Variants in NRXN3 observed in about 807,000 individuals in gnomAD.
The protein encoded by NRXN3 is neurexin III.
Under a neutral mutation model 137.6 loss-of-function variants are expected in NRXN3, and 32 were observed. The observed-to-expected ratio is 0.23, with a 90% CI of 0.18 to 0.31. NRXN3 has a LOEUF of 0.31. Ranked by LOEUF, NRXN3 falls within the 10% of genes least tolerant of loss-of-function variation. The pLI, the probability that NRXN3 is intolerant of heterozygous loss-of-function variation, is 1.00. For synonymous variants in NRXN3, 798 were observed against 784.5 expected (o/e 1.02, Z -0.29); for missense variants, 1,574 against 2,062.5 (o/e 0.76, Z 4.59).
chr14:79,831,549 A>G (rs1048799373), intron 20 of NRXN3, among the ~76,000 whole-genome samples: 6 of 152,106 alleles, frequency 3.9e-5, no homozygotes, highest in African/African-American at 1.4e-4. Flanking sequence ...GTATGGTTTT[A>G]TTGTTATTTT....
intron 15 of NRXN3, among the ~76,000 whole-genome samples, chr14:79,208,856 C>T (rs1390175111): frequency 1.3e-5 from 2 of 152,162 alleles, no homozygotes; most frequent in African/African-American, 4.8e-5. Context: ...AAAAATTCAG[C>T]ACATTTTACC....
intron 15 of NRXN3, among the ~76,000 whole-genome samples, chr14:79,275,059 T>A (rs1262499582): frequency 1.3e-5 from 2 of 152,200 alleles, no homozygotes; most frequent in Non-Finnish European, 2.9e-5. Flanking sequence ...ATGGCTTTTT[T>A]AAATAAATAA....
chr14:78,415,175 T>C (rs1036737647), intron 4 of NRXN3, among the ~76,000 whole-genome samples: 1 of 152,352 alleles, frequency 6.6e-6, no homozygotes, highest in African/African-American at 2.4e-5. Context: ...TGCCTCAGTT[T>C]CCTATTTGTT....
intron 2 of NRXN3, among the ~76,000 whole-genome samples, chr14:78,277,366 A>C (rs1477966300): frequency 2.0e-5 from 3 of 152,168 alleles, no homozygotes; most frequent in Non-Finnish European, 4.4e-5. Context: ...CAGCATGATC[A>C]CTTTAATCTG....
chr14:79,096,298 C>T (rs1393381219), intron 15 of NRXN3, among the ~76,000 whole-genome samples: 6 of 151,886 alleles, frequency 4.0e-5, no homozygotes, highest in African/African-American at 1.5e-4. Flanking sequence ...TTAGTAGAGG[C>T]GGGGTTTCAC....
chr14:79,784,613 G>GTT (rs2099123686), intron 19 of NRXN3, among the ~76,000 whole-genome samples: 1 of 70,490 alleles, frequency 1.4e-5, no homozygotes, highest in African/African-American at 5.2e-5. Flanking sequence ...TTGTTGTGTT[G>GTT]CTTTTTTTTT....
At chr14:78,818,714 G>A (rs2098941938) in intron 10 of NRXN3, among the ~76,000 whole-genome samples, 1 of 152,100 alleles carries the variant, frequency 6.6e-6, no homozygotes, top group Admixed American at 6.6e-5. Flanking sequence ...GACATTTACT[G>A]AGAGTAAGCA....
At chr14:79,459,527 A>G (rs2096299934) in intron 15 of NRXN3, among the ~76,000 whole-genome samples, 1 of 152,048 alleles carries the variant, frequency 6.6e-6, no homozygotes, top group Admixed American at 6.6e-5. Context: ...AAAAGCCAGC[A>G]CTGCTAACAC....
At chr14:79,780,625 T>C (rs1272540693) in intron 19 of NRXN3, among the ~76,000 whole-genome samples, 1 of 152,016 alleles carries the variant, frequency 6.6e-6, no homozygotes, top group African/African-American at 2.4e-5. Context: ...AATAAATAAA[T>C]AATCTTTACC....
Position 78,487,790 on chromosome 14 carries a change from A to AAGAT in NRXN3, c.758-157325_758-157322dup, listed in dbSNP as rs1555562043. On this transcript the variant is annotated intron_variant, in intron 4 of 20. Transcript: ENST00000335750. Reference sequence around the variant, plus strand: ...AAATAAATAAATAAATAAATAAATAAAGATAGATTTGTCCTGAAACTTAAA... The same window carrying AAGAT: ...AAATAAATAAATAAATAAATAAATAAAGATAGATAGATTTGTCCTGAAACTTAAA... Among the ~76,000 whole-genome samples, 284 of 138,210 alleles carry AAGAT rather than the reference A, an allele frequency of 2.1e-3. 10 individuals are homozygous for AAGAT. In the East Asian group the frequency reaches 0.031, roughly 15 times the overall value. 90.7% of individuals were successfully genotyped at this position (138,210 alleles called of 152,430 possible).
intron 15 of NRXN3, among the ~76,000 whole-genome samples, chr14:79,358,608 A>AAAGG (rs1555397486): frequency 2.2e-4 from 1 of 4,488 alleles, no homozygotes; most frequent in African/African-American, 5.6e-4. Context: ...AGAAAGAAAG[A>AAAGG]GAAAGAAAGA....
chr14:78,209,710 A>C (rs2062560218), intron 1 of NRXN3, among the ~76,000 whole-genome samples: 1 of 152,094 alleles, frequency 6.6e-6, no homozygotes, highest in Non-Finnish European at 1.5e-5. Context: ...CTCCCTCAAC[A>C]TGTGGAGATT....
chr14:79,747,534 C>G (rs1462556709), intron 19 of NRXN3, among the ~76,000 whole-genome samples: 1 of 152,016 alleles, frequency 6.6e-6, no homozygotes, highest in African/African-American at 2.4e-5. Flanking sequence ...TTCTACAGCT[C>G]AAGTCAAGAG....
At chr14:79,189,968 T>C (rs2064063605) in intron 15 of NRXN3, among the ~76,000 whole-genome samples, 1 of 152,228 alleles carries the variant, frequency 6.6e-6, no homozygotes, top group Non-Finnish European at 1.5e-5. Flanking sequence ...CAGGAATTTA[T>C]ATTACACTTG....
chr14:78,931,463 A>T (rs756483884), intron 10 of NRXN3, among the ~76,000 whole-genome samples: 2 of 152,186 alleles, frequency 1.3e-5, no homozygotes, highest in African/African-American at 4.8e-5. Flanking sequence ...GTGATATCAC[A>T]TTTAAAAAGT....
chr14:79,684,686 C>A (rs886077248), intron 17 of NRXN3, among the ~76,000 whole-genome samples: 4 of 152,066 alleles, frequency 2.6e-5, no homozygotes, highest in African/African-American at 9.7e-5. Context: ...GTGGGGACAC[C>A]ACATATGTAT....
At chr14:78,912,112 T>G (rs1597301204) in intron 10 of NRXN3, among the ~76,000 whole-genome samples, 1 of 151,400 alleles carries the variant, frequency 6.6e-6, no homozygotes, top group African/African-American at 2.4e-5. Context: ...GATGTTCCCC[T>G]TCCTGTGTCC....
At chr14:78,660,778 T>C (rs945792337) in intron 6 of NRXN3, among the ~76,000 whole-genome samples, 1 of 152,202 alleles carries the variant, frequency 6.6e-6, no homozygotes. Flanking sequence ...CCTAAACCTG[T>C]TGTGGCTCTA....
At chr14:78,721,003 G>A (rs944281680) in intron 8 of NRXN3, among the ~76,000 whole-genome samples, 10 of 152,096 alleles carry the variant, frequency 6.6e-5, no homozygotes, top group Non-Finnish European at 1.5e-4. Flanking sequence ...TGTCCTCCAC[G>A]AGCTCACAGC....
Sources: allele counts gnomAD v4.1 joint callset (sites outside exome capture counted in the v4.1 genomes callset), GRCh38; gene constraint gnomAD v4.1.1; transcripts MANE v1.5; gene names NCBI Gene and HGNC (gene_info 2026-07-23, HGNC 2026-07-21).